Variants in ZRANB3 observed in about 807,000 individuals in gnomAD.
ZRANB3 encodes the protein DNA annealing helicase and endonuclease ZRANB3.
In ZRANB3, 125 loss-of-function variants were observed where a neutral mutation model predicts 133.8. The ratio of observed to expected loss-of-function variants is 0.93; its 90% CI spans 0.81 to 1.08. The LOEUF is 1.08. ZRANB3 is among the 50% of genes least tolerant of loss of function. ZRANB3 has a pLI of 0.00. For missense variants in ZRANB3, 1,229 were observed against 1,275.5 expected (o/e 0.96, Z 0.56); for synonymous variants, 387 against 432.7 (o/e 0.89, Z 1.31).
intron 1 of ZRANB3, among the ~76,000 whole-genome samples, chr2:135,509,479 A>T (rs1030113950): frequency 2.0e-5 from 3 of 152,202 alleles, no homozygotes; most frequent in African/African-American, 7.2e-5. Flanking sequence ...ACAAATCTAG[A>T]TATTAAAAAC....
At chr2:135,325,053 A>G (rs1683742829) in intron 6 of ZRANB3, among the ~76,000 whole-genome samples, 1 of 152,176 alleles carries the variant, frequency 6.6e-6, no homozygotes, top group South Asian at 2.1e-4. Context: ...AAAACTTACT[A>G]TTATAAAGAT....
chr2:135,439,036 G>A (rs1029240093), intron 2 of ZRANB3, among the ~76,000 whole-genome samples: 1 of 152,030 alleles, frequency 6.6e-6, no homozygotes, highest in Non-Finnish European at 1.5e-5. Flanking sequence ...TATTTTGTAC[G>A]TTATATTATC....
intron 2 of ZRANB3, among the ~76,000 whole-genome samples, chr2:135,429,960 A>T (rs1689247671): frequency 6.6e-6 from 1 of 152,162 alleles, no homozygotes; most frequent in Admixed American, 6.5e-5. Flanking sequence ...AGATGGGAGG[A>T]TCGCTTGAGC....
intron 2 of ZRANB3, among the ~76,000 whole-genome samples, chr2:135,424,076 G>A (rs1266889337): frequency 6.6e-6 from 1 of 152,152 alleles, no homozygotes; most frequent in African/African-American, 2.4e-5. Flanking sequence ...AAAGCAAGTC[G>A]GAGAAAACAC....
intron 6 of ZRANB3, among the ~76,000 whole-genome samples, chr2:135,322,279 T>G (rs1189937927): frequency 6.6e-6 from 1 of 152,202 alleles, no homozygotes; most frequent in Non-Finnish European, 1.5e-5. Flanking sequence ...TCTTATTCTT[T>G]TCTTCTTTTT....
chr2:135,416,856 G>A (rs1005750505), intron 2 of ZRANB3, among the ~76,000 whole-genome samples: 1 of 152,070 alleles, frequency 6.6e-6, no homozygotes, highest in African/African-American at 2.4e-5. Context: ...CAAGCAATGG[G>A]GAAAGGATTC....
intron 12 of ZRANB3, among the ~76,000 whole-genome samples, chr2:135,246,075 G>C (rs1351432934): frequency 1.0e-5 from 1 of 99,518 alleles, no homozygotes; most frequent in African/African-American, 4.2e-5. Flanking sequence ...GTCTTGCTCT[G>C]TTGCTCAGGC....
intron 1 of ZRANB3, among the ~76,000 whole-genome samples, chr2:135,512,886 T>A (rs1279109142): frequency 6.6e-6 from 1 of 152,124 alleles, no homozygotes; most frequent in Non-Finnish European, 1.5e-5. Flanking sequence ...GTTTAACACA[T>A]GTCTCTCAGT....
rs551950632 is a variant in ZRANB3, at chr2:135,382,953, T to A, written c.180+7849A>T. Among the ~76,000 whole-genome samples the A allele has an allele frequency of 3.3e-5, 5 of 152,264 alleles. No homozygotes were observed. The East Asian group carries it at 7.7e-4, about 24-fold the overall frequency. On this transcript the variant is annotated intron_variant, in intron 3 of 20. Transcript: ENST00000264159. ...TCAACTAACGAGCAAAATAATCAGC[T>A]AACATCATAATTACAGGATCAAATT...
intron 12 of ZRANB3, among the ~76,000 whole-genome samples, chr2:135,263,072 A>G (rs1364517246): frequency 1.3e-5 from 2 of 152,150 alleles, no homozygotes; most frequent in African/African-American, 4.8e-5. Flanking sequence ...TTTTTGCTGA[A>G]GTTGCTATCA....
At chr2:135,337,575 G>C (rs144822023) in intron 6 of ZRANB3, among the ~76,000 whole-genome samples, 1 of 152,112 alleles carries the variant, frequency 6.6e-6, no homozygotes, top group Non-Finnish European at 1.5e-5. Context: ...TCCATGCACT[G>C]TTAAAAAAAA....
chr2:135,433,618 G>A (rs986693144), intron 2 of ZRANB3, among the ~76,000 whole-genome samples: 1 of 152,148 alleles, frequency 6.6e-6, no homozygotes, highest in African/African-American at 2.4e-5. Flanking sequence ...TTGGGAGGCC[G>A]AGGCAGGCAG....
chr2:135,309,684 TA>T, intron 8 of ZRANB3, among the ~76,000 whole-genome samples: 1 of 152,202 alleles, frequency 6.6e-6, no homozygotes, highest in East Asian at 1.9e-4. Context: ...CAAAATGTAT[TA>T]AAAAAACTAG....
intron 11 of ZRANB3, among the ~76,000 whole-genome samples, chr2:135,267,445 CATT>C (rs942541778): frequency 6.6e-6 from 1 of 152,002 alleles, no homozygotes; most frequent in African/African-American, 2.4e-5. Context: ...ATGACCCAAT[CATT>C]TTTTTTCTTT....
intron 1 of ZRANB3, among the ~76,000 whole-genome samples, chr2:135,517,755 G>T (rs1693760541): frequency 1.3e-5 from 2 of 152,196 alleles, no homozygotes; most frequent in Admixed American, 1.3e-4. Context: ...CCCACTTGAG[G>T]AGACAGTCTG....
rs1293553671 is a variant in ZRANB3 at position 135,277,617 on chromosome 2, A to C, written c.967-1862T>G. Among the ~76,000 whole-genome samples, 3 of 152,216 alleles carry C rather than the reference A, an allele frequency of 2.0e-5. No homozygotes were observed. The East Asian group carries it at 5.8e-4, about 29-fold the overall frequency. On this transcript the variant is annotated intron_variant, in intron 8 of 20. Transcript: ENST00000264159. ...TTATTAAGCTAAGGAAATCTCCCAGAAAGTAAACAGAAAATATAAAATATA... is the reference window on the plus strand; with the variant it reads ...TTATTAAGCTAAGGAAATCTCCCAGCAAGTAAACAGAAAATATAAAATATA...
intron 2 of ZRANB3, among the ~76,000 whole-genome samples, chr2:135,441,712 G>GAATT (rs980456630): frequency 1.3e-5 from 2 of 151,908 alleles, no homozygotes; most frequent in African/African-American, 4.8e-5. Flanking sequence ...AATTAAGTCA[G>GAATT]AATTAAGTCA....
At chr2:135,472,987 A>G (rs934547748) in intron 2 of ZRANB3, among the ~76,000 whole-genome samples, 2 of 152,196 alleles carry the variant, frequency 1.3e-5, no homozygotes, top group African/African-American at 4.8e-5. Flanking sequence ...ATACCCTAAG[A>G]AAGTGGACCA....
At chr2:135,328,440 A>T (rs1683956866) in intron 6 of ZRANB3, among the ~76,000 whole-genome samples, 1 of 152,010 alleles carries the variant, frequency 6.6e-6, no homozygotes, top group Non-Finnish European at 1.5e-5. Flanking sequence ...TATGTACCAC[A>T]TTTTCTTAAT....
Sources: gnomAD v4.1 joint callset for allele counts (sites outside exome capture counted in the v4.1 genomes callset) on GRCh38, gnomAD v4.1.1 for gene constraint, MANE v1.5 for transcripts, NCBI Gene and HGNC (gene_info 2026-07-23, HGNC 2026-07-21) for gene names.